Variants in RBFOX2 observed in about 807,000 individuals in gnomAD.
RBFOX2 encodes the protein RNA binding protein fox-1 homolog 2.
RBFOX2 carries 10 observed loss-of-function variants against 49.1 expected under a neutral mutation model. That is an observed-to-expected ratio of 0.20 (90% confidence interval 0.13 to 0.35). The LOEUF (loss-of-function observed/expected upper bound fraction) is 0.35. RBFOX2 is among the 10% of genes least tolerant of loss of function. The pLI is 1.00. For missense variants in RBFOX2, 323 were observed against 486.9 expected, an observed-to-expected ratio of 0.66 and a Z score of 3.17; for synonymous variants, 183 against 187.4, an observed-to-expected ratio of 0.98 and a Z score of 0.19.
At chr22:35,931,671 A>G (rs2052422458) in intron 1 of RBFOX2, among the ~76,000 whole-genome samples, 1 of 152,118 alleles carries the variant, frequency 6.6e-6, no homozygotes, top group Admixed American at 6.6e-5. Context: ...GCTACTCAGG[A>G]GGCTGAGGTA....
At chr22:35,811,597 T>C (rs1951879691) in intron 1 of RBFOX2, among the ~76,000 whole-genome samples, 1 of 152,144 alleles carries the variant, frequency 6.6e-6, no homozygotes, top group South Asian at 2.1e-4. Context: ...CCTTGCAAAC[T>C]GGTAAAGGCA....
At chr22:35,809,917 G>T (rs1301169034) in exon 2 of RBFOX2, 19 of 1,613,984 alleles carry the variant, frequency 1.2e-5, no homozygotes, top group Admixed American at 1.7e-5. Flanking sequence ...TACTCTGTGG[G>T]AATTCCATTC....
At chr22:35,884,000 C>CTTT (rs34644201) in intron 1 of RBFOX2, among the ~76,000 whole-genome samples, 121 of 62,670 alleles carry the variant, frequency 1.9e-3, no homozygotes, top group Admixed American at 2.2e-3. Flanking sequence ...GTAGTTATCT[C>CTTT]TTTTTTTTTT....
intron 1 of RBFOX2, chr22:35,998,911 C>T (rs978395480): frequency 3.3e-5 from 5 of 152,920 alleles, no homozygotes; most frequent in African/African-American, 9.6e-5. Flanking sequence ...TCATCCCCTT[C>T]TCCTTCAGTA....
intron 1 of RBFOX2, among the ~76,000 whole-genome samples, chr22:35,837,488 AACACACACACACACACATGTGC>A (rs1336549186): frequency 2.9e-5 from 4 of 139,618 alleles, no homozygotes; most frequent in South Asian, 2.1e-4. Context: ...GTCTGGCTCA[AACACACACACACACACATGTGC>A]ACACACACAC....
intron 1 of RBFOX2, among the ~76,000 whole-genome samples, chr22:36,011,561 A>G (rs1190252323): frequency 7.9e-5 from 12 of 152,196 alleles, no homozygotes; most frequent in Admixed American, 7.2e-4. Flanking sequence ...GCAGAATAGT[A>G]CGCATACTGT....
At chr22:36,009,422 G>A (rs2058730872) in intron 1 of RBFOX2, among the ~76,000 whole-genome samples, 1 of 152,140 alleles carries the variant, frequency 6.6e-6, no homozygotes, top group Non-Finnish European at 1.5e-5. Context: ...TGCCCAGCCT[G>A]GAGTACAGTG....
chr22:35,887,999 C>T (rs571534622), intron 1 of RBFOX2, among the ~76,000 whole-genome samples: 1 of 152,116 alleles, frequency 6.6e-6, no homozygotes, highest in Non-Finnish European at 1.5e-5. Flanking sequence ...TTATGTTCTA[C>T]CTCCCTCCTA....
chr22:35,913,920 T>C (rs1417140676), intron 1 of RBFOX2, among the ~76,000 whole-genome samples: 1 of 152,018 alleles, frequency 6.6e-6, no homozygotes, highest in Non-Finnish European at 1.5e-5. Context: ...AAGGAGAAAA[T>C]TGAATGCTGT....
At chr22:35,903,032 A>G (rs901017640) in intron 1 of RBFOX2, among the ~76,000 whole-genome samples, 2 of 152,162 alleles carry the variant, frequency 1.3e-5, no homozygotes, top group Non-Finnish European at 2.9e-5. Context: ...CTAATGTTCT[A>G]TAATAAGTAA....
At chr22:35,812,850 C>G (rs897265344) in intron 1 of RBFOX2, among the ~76,000 whole-genome samples, 10 of 152,228 alleles carry the variant, frequency 6.6e-5, no homozygotes, top group African/African-American at 2.4e-4. Flanking sequence ...GACTCTGGCA[C>G]ACAAGTACAC....
At chr22:35,933,867 T>C (rs752603069) in intron 1 of RBFOX2, among the ~76,000 whole-genome samples, 8 of 150,548 alleles carry the variant, frequency 5.3e-5, no homozygotes, top group Non-Finnish European at 1.0e-4. Context: ...AAATCACTTG[T>C]GTTTATTCAC....
intron 1 of RBFOX2, among the ~76,000 whole-genome samples, chr22:35,894,823 A>C (rs1202585989): frequency 6.6e-6 from 1 of 151,978 alleles, no homozygotes; most frequent in Non-Finnish European, 1.5e-5. Flanking sequence ...CCAGAGGTAC[A>C]TCATGTCAGA....
At chr22:35,776,461 T>C (rs139846512) in intron 4 of RBFOX2, among the ~76,000 whole-genome samples, 9 of 152,340 alleles carry the variant, frequency 5.9e-5, no homozygotes, top group African/African-American at 2.2e-4. Flanking sequence ...TTAGTGTTGA[T>C]ACATTCTACA....
chr22:35,756,608 G>A (rs557067011), intron 9 of RBFOX2, among the ~76,000 whole-genome samples: 7 of 152,138 alleles, frequency 4.6e-5, no homozygotes, highest in Admixed American at 2.0e-4. Context: ...TTCCACTAGG[G>A]CAGGGCCTGT....
At chr22:35,851,202 G>T (rs1232416765) in intron 1 of RBFOX2, among the ~76,000 whole-genome samples, 3 of 152,126 alleles carry the variant, frequency 2.0e-5, no homozygotes, top group Non-Finnish European at 2.9e-5. Context: ...GGTATTCTTG[G>T]TTAAACATTT....
At chr22:35,808,513 G>A (rs555837772) in intron 2 of RBFOX2, among the ~76,000 whole-genome samples, 2 of 152,218 alleles carry the variant, frequency 1.3e-5, no homozygotes, top group South Asian at 4.2e-4. Flanking sequence ...ACAGAGCTAG[G>A]TCTTTCTATG....
chr22:35,955,348 A>C (rs1220029469), intron 1 of RBFOX2, among the ~76,000 whole-genome samples: 1 of 152,246 alleles, frequency 6.6e-6, no homozygotes. Context: ...TTCCTTTAAA[A>C]GTATCAATAA....
At chr22:35,980,050 C>G (rs61349147) in intron 1 of RBFOX2, among the ~76,000 whole-genome samples, 1 of 152,138 alleles carries the variant, frequency 6.6e-6, no homozygotes, top group Non-Finnish European at 1.5e-5. Context: ...GTTACTGGCG[C>G]TATGGTTTGC....
Sources: gnomAD v4.1 joint callset for allele counts (sites outside exome capture counted in the v4.1 genomes callset) on GRCh38, gnomAD v4.1.1 for gene constraint, MANE v1.5 for transcripts, NCBI Gene and HGNC (gene_info 2026-07-23, HGNC 2026-07-21) for gene names.